The following CADM1 variants were observed in gnomAD, a reference collection of about 807,000 sequenced individuals.
The protein encoded by CADM1 is TSLC-1.
In CADM1, 15 loss-of-function variants were observed where a neutral mutation model predicts 53.1. The observed-to-expected ratio is 0.28, with a 90% CI of 0.19 to 0.44. CADM1 has a LOEUF of 0.44. CADM1 is among the 20% of genes least tolerant of loss of function. The probability of loss-of-function intolerance (pLI) is 1.00; values close to 1 mark genes in which losing one functional copy is unlikely to be tolerated. For missense variants in CADM1, 434 were observed against 611.3 expected (o/e 0.71, Z 3.06); for synonymous variants, 281 against 243.0 (o/e 1.16, Z -1.45).
chr11:115,192,240 G>GTCAATT (rs1939910206), intron 9 of CADM1, among the ~76,000 whole-genome samples: 1 of 152,194 alleles, frequency 6.6e-6, no homozygotes, highest in East Asian at 1.9e-4. Flanking sequence ...GTGAAAGACG[G>GTCAATT]CTGTCACACC....
At chr11:115,402,765 G>A (rs1334972567) in intron 1 of CADM1, among the ~76,000 whole-genome samples, 1 of 152,064 alleles carries the variant, frequency 6.6e-6, no homozygotes, top group African/African-American at 2.4e-5. Context: ...CGTTTATGAG[G>A]CTGAGGGGAA....
chr11:115,297,443 G>A (rs917428942), intron 1 of CADM1, among the ~76,000 whole-genome samples: 1 of 152,106 alleles, frequency 6.6e-6, no homozygotes, highest in African/African-American at 2.4e-5. Context: ...TGTTTGTGCC[G>A]GCTCTCATCT....
At chr11:115,395,257 G>A (rs921777268) in intron 1 of CADM1, among the ~76,000 whole-genome samples, 1 of 152,138 alleles carries the variant, frequency 6.6e-6, no homozygotes, top group Non-Finnish European at 1.5e-5. Context: ...GTAAAGTACA[G>A]AAAACAAACA....
At chr11:115,214,912 T>G (rs530800497) in intron 6 of CADM1, 132 bp from the exon 7 acceptor site, 6 of 979,850 alleles carry the variant, frequency 6.1e-6, no homozygotes, top group Non-Finnish European at 9.7e-6. Context: ...ATTACAACTG[T>G]GAAGTCTCCA....
intron 1 of CADM1, among the ~76,000 whole-genome samples, chr11:115,317,524 A>G (rs1944700622): frequency 6.6e-6 from 1 of 152,214 alleles, no homozygotes; most frequent in Non-Finnish European, 1.5e-5. Context: ...AAGGAGACAT[A>G]AGGAATGGCT....
intron 5 of CADM1, among the ~76,000 whole-genome samples, chr11:115,220,793 T>C (rs10502201): frequency 0.057 from 8,753 of 152,266 alleles, 366 homozygotes; most frequent in Admixed American, 0.14. Flanking sequence ...CTTAAGCGTT[T>C]TCAACAGGTG....
intron 1 of CADM1, among the ~76,000 whole-genome samples, chr11:115,466,431 A>G (rs1018583695): frequency 1.1e-4 from 17 of 152,240 alleles, no homozygotes; most frequent in African/African-American, 3.9e-4. Flanking sequence ...ACTGCCCTGT[A>G]AAAACAAATT....
intron 1 of CADM1, among the ~76,000 whole-genome samples, chr11:115,284,730 C>T (rs886619283): frequency 1.3e-5 from 2 of 152,082 alleles, no homozygotes; most frequent in Admixed American, 6.5e-5. Flanking sequence ...TTTAAAGTTA[C>T]AATGTAGGGT....
chr11:115,188,928 TTGC>T (rs1939708380), intron 10 of CADM1, among the ~76,000 whole-genome samples: 1 of 152,196 alleles, frequency 6.6e-6, no homozygotes, highest in Non-Finnish European at 1.5e-5. Context: ...AGATGTCTCT[TTGC>T]TGCTGAGTGA....
At chr11:115,252,714 T>C (rs1206719022) in intron 1 of CADM1, among the ~76,000 whole-genome samples, 1 of 152,102 alleles carries the variant, frequency 6.6e-6, no homozygotes. Flanking sequence ...GTTAGGCTGA[T>C]AATGCAATGC....
chr11:115,177,738 G>C (rs1939103808), intron 11 of CADM1, among the ~76,000 whole-genome samples: 1 of 151,648 alleles, frequency 6.6e-6, no homozygotes, highest in East Asian at 1.9e-4. Flanking sequence ...TGTGGGCAGA[G>C]GGCGAAGTAT....
Position 115,233,464 on chromosome 11 carries a change from T to C in CADM1, c.425-1974A>G, listed in dbSNP as rs117245721. ...TGCTAGATGACAGTCACGTAGGTTA[T>C]AGATTTTCATCATACATACCTAGAT... On this transcript the variant is annotated intron_variant, in intron 3 of 11. Coordinates refer to ENST00000331581, the MANE Select transcript of CADM1 (RefSeq NM_001301043.2). Among the ~76,000 whole-genome samples, 347 of 152,354 alleles carry C rather than the reference T, an allele frequency of 2.3e-3. 2 individuals carry two copies. The highest frequency in any genetic ancestry group is 6.8e-3 in the Middle Eastern group (2 of 294).
intron 10 of CADM1, among the ~76,000 whole-genome samples, chr11:115,188,438 C>T (rs1591586597): frequency 6.6e-6 from 1 of 152,300 alleles, no homozygotes. Flanking sequence ...GGGCAACTTG[C>T]TTTGCTGGGT....
Position 115,504,343 on chromosome 11 carries a change from C to T in CADM1, c.52G>A (p.Ala18Thr). ...AGCCGGAGCCCGGGAGGCGCCGCCG[C>T]CGCCGCTGCCGCCGCACACTGGGAT... ...SGSQCAAAAA[A>T]AAPPGLRLRL... The change falls in exon 1 of 12, where the codon GCG becomes ACG. Residue 18 changes from alanine to threonine, a missense_variant. By Grantham distance (58) the Ala-to-Thr change is moderately conservative (BLOSUM62 0). Coordinates refer to ENST00000331581, the MANE Select transcript of CADM1 (RefSeq NM_001301043.2). The T allele has an allele frequency of 7.1e-6, 11 of 1,548,774 alleles. No homozygotes were observed. Among genetic ancestry groups the T allele is most frequent in the Non-Finnish European group, 9.6e-6 (11 of 1,146,358 alleles).
Position 115,175,464 on chromosome 11 carries a change from C to A in CADM1, c.*1010G>T, listed in dbSNP as rs750299940. 1.6e-5 allele frequency: 16 copies of A among 985,482 alleles called. No homozygotes were observed. The highest frequency in any genetic ancestry group is 1.2e-4 in the Admixed American group (2 of 16,250). The allele number at this position is 985,482 out of a possible 1,614,324, so 61.0% of individuals were successfully genotyped here. ...TCCTACAAATTAGTGAGAAGTAAGG[C>A]CGATTGGGAAAGGTGGATGGAATCA... On this transcript the variant is annotated 3_prime_UTR_variant, in exon 12 of 12. Transcript: ENST00000331581.
intron 1 of CADM1, among the ~76,000 whole-genome samples, chr11:115,385,469 A>G (rs1946676892): frequency 6.6e-6 from 1 of 152,140 alleles, no homozygotes; most frequent in Admixed American, 6.5e-5. Flanking sequence ...TGCCTTCACT[A>G]TGACTCTACT....
At chr11:115,186,946 T>C (rs1939587911) in intron 10 of CADM1, among the ~76,000 whole-genome samples, 1 of 152,216 alleles carries the variant, frequency 6.6e-6, no homozygotes, top group African/African-American at 2.4e-5. Flanking sequence ...CAGCTCCTGT[T>C]GGTCTTGTTC....
chr11:115,193,792 C>T (rs1372280916), intron 9 of CADM1: 3 of 152,016 alleles, frequency 2.0e-5, no homozygotes, highest in Non-Finnish European at 4.4e-5. Context: ...GGCCCTAGTA[C>T]CATTCCCATT....
chr11:115,295,449 C>G (rs1488833987), intron 1 of CADM1, among the ~76,000 whole-genome samples: 1 of 147,672 alleles, frequency 6.8e-6, no homozygotes, highest in East Asian at 2.0e-4. Flanking sequence ...ATTAGGATCT[C>G]CCAGGCTCCA....
Sources: allele counts gnomAD v4.1 joint callset (sites outside exome capture counted in the v4.1 genomes callset), GRCh38; gene constraint gnomAD v4.1.1; transcripts MANE v1.5; gene names NCBI Gene and HGNC (gene_info 2026-07-23, HGNC 2026-07-21).